The following CAST variants were observed in gnomAD, a reference collection of about 807,000 sequenced individuals.
CAST encodes the protein MIR583 host.
In CAST, 76 loss-of-function variants were observed where a neutral mutation model predicts 119.6. The observed-to-expected ratio is 0.64, with a 90% CI of 0.53 to 0.77. The LOEUF is 0.77. Among genes scored for constraint, CAST ranks in the 30% least tolerant of loss-of-function variants. The pLI is 0.00. For missense variants in CAST, 953 were observed against 946.5 expected (o/e 1.01, Z -0.09); for synonymous variants, 319 against 331.6 (o/e 0.96, Z 0.41).
the CAST span, among the ~76,000 whole-genome samples, chr5:96,479,450 C>CTTTTTTT: frequency 1.1e-4 from 13 of 115,296 alleles, 3 homozygotes; most frequent in Non-Finnish European, 1.7e-4. Flanking sequence ...CCAGGCACTC[C>CTTTTTTT]TTATTTTTTT....
At chr5:96,121,872 C>T in the CAST span, among the ~76,000 whole-genome samples, 1 of 152,102 alleles carries the variant, frequency 6.6e-6, no homozygotes, top group East Asian at 1.9e-4. Flanking sequence ...CCCTGCCCAC[C>T]CCTGCTCTTG....
At chr5:96,396,536 TG>T in the CAST span, among the ~76,000 whole-genome samples, 2 of 144,194 alleles carry the variant, frequency 1.4e-5, no homozygotes, top group Non-Finnish European at 3.0e-5. Flanking sequence ...AACTCCAGCC[TG>T]GGTGACAGAG....
Position 96,754,683 on chromosome 5 carries a change from A to G in CAST, c.1652A>G (p.Glu551Gly). The change falls in exon 22 of 32, where the codon GAA becomes GGA. Residue 551 changes from glutamate (E) to glycine (G), a missense_variant. Glu to Gly is a moderately conservative substitution (Grantham distance 98). Coordinates refer to ENST00000675179, the MANE Select transcript of CAST (RefSeq NM_001750.7). ...GAGAAGGCCAAAGAAGAAGACCGTG[A>G]AAAGCTTGGTGAAAAAGAAGAAACA... ...VKEKAKEEDR[E>G]KLGEKEETIP... 6.2e-7 allele frequency: 1 copy of G among 1,609,642 alleles called. No homozygotes were observed. Among genetic ancestry groups the G allele is most frequent in the Non-Finnish European group, 8.5e-7 (1 of 1,176,370 alleles).
At chr5:96,131,024 A>G in the CAST span, among the ~76,000 whole-genome samples, 1 of 152,094 alleles carries the variant, frequency 6.6e-6, no homozygotes, top group Admixed American at 6.6e-5. Context: ...TAGTTTCCCA[A>G]TCTATCCTAC....
the CAST span, among the ~76,000 whole-genome samples, chr5:96,070,077 C>G: frequency 6.6e-6 from 1 of 152,088 alleles, no homozygotes; most frequent in African/African-American, 2.4e-5. Flanking sequence ...GAAGGTCAGC[C>G]TTTATTCTCA....
the CAST span, among the ~76,000 whole-genome samples, chr5:96,362,301 C>T: frequency 1.3e-5 from 2 of 152,164 alleles, no homozygotes. Flanking sequence ...CATATGTGTG[C>T]ATGTGTCTTT....
At chr5:96,582,338 A>C (rs756143601) in intron 1 of CAST, among the ~76,000 whole-genome samples, 17 of 152,348 alleles carry the variant, frequency 1.1e-4, no homozygotes, top group Non-Finnish European at 2.1e-4. Context: ...ATTTAGATAC[A>C]TAATAAATTT....
chr5:96,123,934 A>T, the CAST span, among the ~76,000 whole-genome samples: 1 of 151,906 alleles, frequency 6.6e-6, no homozygotes, highest in Non-Finnish European at 1.5e-5. Flanking sequence ...TTCTCTTTTT[A>T]GCGTCACAAG....
the CAST span, among the ~76,000 whole-genome samples, chr5:96,326,695 A>ATTTTTTTTTTTTTTTTTTTTTTTTT: frequency 7.3e-5 from 7 of 95,736 alleles, no homozygotes; most frequent in Non-Finnish European, 9.8e-5. Flanking sequence ...ATGGCTTTTC[A>ATTTTTTTTTTTTTTTTTTTTTTTTT]TTTTTTTTTT....
chr5:96,715,883 T>C lies in CAST; in HGVS notation c.211-6756T>C, dbSNP rs1036002629. On this transcript the variant is annotated intron_variant, in intron 3 of 31. Transcript: ENST00000675179. Reference sequence around the variant, plus strand: ...CTAGATCTGCTAGCACAACACCATATTCTGCCCAAAAGAGATGGCTGAACT... The same window carrying C: ...CTAGATCTGCTAGCACAACACCATACTCTGCCCAAAAGAGATGGCTGAACT... Among the ~76,000 whole-genome samples, 3 of 152,372 alleles carry C rather than the reference T, an allele frequency of 2.0e-5. No individual in the cohort carries two copies. The South Asian group carries it at 6.2e-4, about 32-fold the overall frequency.
the CAST span, among the ~76,000 whole-genome samples, chr5:96,437,731 C>T: frequency 6.6e-6 from 1 of 152,126 alleles, no homozygotes; most frequent in African/African-American, 2.4e-5. Flanking sequence ...GTTAATGAGT[C>T]CGTAGTGATT....
the CAST span, among the ~76,000 whole-genome samples, chr5:96,039,846 G>C: frequency 6.6e-6 from 1 of 152,150 alleles, no homozygotes; most frequent in Non-Finnish European, 1.5e-5. Context: ...GGATTATCTT[G>C]GCTATGCAGG....
At chr5:96,211,887 A>G in the CAST span, among the ~76,000 whole-genome samples, 1 of 152,100 alleles carries the variant, frequency 6.6e-6, no homozygotes, top group African/African-American at 2.4e-5. Flanking sequence ...GAATTGGCCT[A>G]TTTCATCAAA....
Position 96,743,267 on chromosome 5 carries a change from C to T in CAST, c.1200+511C>T, listed in dbSNP as rs138083751. Among the ~76,000 whole-genome samples the T allele has an allele frequency of 3.9e-5, 6 of 152,304 alleles. 1 individual carries two copies. Among genetic ancestry groups the T allele is most frequent in the African/African-American group, 1.4e-4 (6 of 41,556 alleles). ...TAATGCTGATGAGTGTTTATCCCGC[C>T]ACACTCCAAGATCTTAACAAGCCTT... On this transcript the variant is annotated intron_variant, in intron 16 of 31. Transcript: ENST00000675179.
chr5:96,727,560 T>C (rs1046487748), intron 6 of CAST, 30 bp downstream of exon 6: 1 of 1,399,022 alleles, frequency 7.1e-7, no homozygotes, highest in Non-Finnish European at 9.9e-7. Flanking sequence ...TAGTTAGTTA[T>C]TTGGATTCTT....
intron 24 of CAST, among the ~76,000 whole-genome samples, chr5:96,759,968 C>G (rs1767366887): frequency 1.3e-5 from 2 of 151,940 alleles, no homozygotes; most frequent in Non-Finnish European, 2.9e-5. Flanking sequence ...AAATATTAAA[C>G]TGCGTAATTC....
the CAST span, among the ~76,000 whole-genome samples, chr5:96,225,768 A>C: frequency 1.3e-5 from 2 of 152,348 alleles, no homozygotes; most frequent in East Asian, 3.9e-4. Flanking sequence ...TAGACACATA[A>C]TTGATAAACA....
chr5:96,149,898 G>A, the CAST span, among the ~76,000 whole-genome samples: 2 of 152,100 alleles, frequency 1.3e-5, no homozygotes, highest in Admixed American at 6.5e-5. Context: ...GAATAACAAG[G>A]TAACTTATTT....
the CAST span, among the ~76,000 whole-genome samples, chr5:96,240,393 C>T: frequency 5.9e-5 from 9 of 152,126 alleles, no homozygotes; most frequent in African/African-American, 2.2e-4. Flanking sequence ...GGTGAAGCTG[C>T]TGGGCAAGCG....
Sources: allele counts gnomAD v4.1 joint callset (sites outside exome capture counted in the v4.1 genomes callset), GRCh38; gene constraint gnomAD v4.1.1; transcripts MANE v1.5; gene names NCBI Gene and HGNC (gene_info 2026-07-23, HGNC 2026-07-21).